CDH11: variants seen among roughly 807,000 people sequenced by gnomAD.
The protein encoded by CDH11 is cadherin-11.
CDH11 carries 11 observed loss-of-function variants against 67.8 expected under a neutral mutation model. The ratio of observed to expected loss-of-function variants is 0.16; its 90% CI spans 0.10 to 0.27. CDH11 has a LOEUF of 0.27. Ranked by LOEUF, CDH11 falls within the 10% of genes least tolerant of loss-of-function variation. CDH11 has a pLI of 1.00. For synonymous variants in CDH11, 419 were observed against 400.0 expected, an observed-to-expected ratio of 1.05 and a Z score of -0.57; for missense variants, 847 against 1,031.2, an observed-to-expected ratio of 0.82 and a Z score of 2.45.
chr16:65,115,725 AAAAAC>A (rs2075234312), intron 1 of CDH11, among the ~76,000 whole-genome samples: 1 of 134,332 alleles, frequency 7.4e-6, no homozygotes, highest in Non-Finnish European at 1.6e-5. Flanking sequence ...AAAAAAACAA[AAAAAC>A]AAAACCTCAG....
In CDH11 at chr16:64,947,341, TTAAA is replaced by T; in HGVS notation, c.*258_*261del. 1 of 1,247,744 alleles carries T rather than the reference TTAAA, an allele frequency of 8.0e-7. No homozygotes were observed. The highest frequency in any genetic ancestry group is 1.0e-6 in the Non-Finnish European group (1 of 992,244). The allele number at this position is 1,247,744 out of a possible 1,614,324, so 77.3% of individuals were successfully genotyped here. ...GTTCAGCGTTAGACTTCTCCTTCAC[TTAAA>T]TATTTTGTATGCCAAGTGTTTTTTT... On this transcript the variant is annotated 3_prime_UTR_variant, in exon 13 of 13. Coordinates refer to ENST00000268603, the MANE Select transcript of CDH11 (RefSeq NM_001797.4).
At chr16:65,022,636 A>G (rs1300923210) in intron 2 of CDH11, among the ~76,000 whole-genome samples, 1 of 152,244 alleles carries the variant, frequency 6.6e-6, no homozygotes, top group Non-Finnish European at 1.5e-5. Flanking sequence ...ACTTTAGGAC[A>G]TAACAAGAAA....
At chr16:64,975,684 TTG>T (rs2072146021) in intron 8 of CDH11, among the ~76,000 whole-genome samples, 1 of 152,140 alleles carries the variant, frequency 6.6e-6, no homozygotes, top group South Asian at 2.1e-4. Flanking sequence ...AGTTGAGTGC[TTG>T]TGTGTTTTTA....
intron 1 of CDH11, among the ~76,000 whole-genome samples, chr16:65,055,329 G>A (rs1267556513): frequency 6.6e-6 from 1 of 152,172 alleles, no homozygotes; most frequent in Non-Finnish European, 1.5e-5. Context: ...TGAGAACCAT[G>A]GGAGAGGGAC....
In CDH11 at chr16:65,100,813, C is replaced by A. The variant is rs193214176; in HGVS notation, c.-298+21067G>T. Among the ~76,000 whole-genome samples, 171 of 151,780 alleles carry A rather than the reference C, an allele frequency of 1.1e-3. 1 individual carries two copies. The highest frequency in any genetic ancestry group is 4.0e-3 in the African/African-American group (166 of 41,396). On this transcript the variant is annotated intron_variant, in intron 1 of 12. Coordinates refer to ENST00000268603, the MANE Select transcript of CDH11 (RefSeq NM_001797.4). Reference sequence around the variant, plus strand: ...ATTTGAGGAAACTGGAGTAAGGGGGCAGCCAGGGGCATCCCCCACCAGAAT... The same window carrying A: ...ATTTGAGGAAACTGGAGTAAGGGGGAAGCCAGGGGCATCCCCCACCAGAAT...
chr16:65,115,214 G>A (rs928883892), intron 1 of CDH11, among the ~76,000 whole-genome samples: 1 of 152,082 alleles, frequency 6.6e-6, no homozygotes, highest in African/African-American at 2.4e-5. Flanking sequence ...GTAGGAAGGA[G>A]GCAGGCAGTG....
intron 2 of CDH11, among the ~76,000 whole-genome samples, chr16:65,008,698 T>C (rs1441361493): frequency 1.3e-5 from 2 of 152,204 alleles, no homozygotes; most frequent in Non-Finnish European, 2.9e-5. Flanking sequence ...CTAGAATCCA[T>C]GTTCTTAACC....
At chr16:65,043,039 G>A (rs2073893109) in intron 2 of CDH11, among the ~76,000 whole-genome samples, 1 of 152,158 alleles carries the variant, frequency 6.6e-6, no homozygotes, top group African/African-American at 2.4e-5. Flanking sequence ...ATGCTGAGGT[G>A]ACCAGAATGC....
In CDH11 at chr16:65,115,719, AAAC is replaced by A. The variant is rs1231471987; in HGVS notation, c.-298+6158_-298+6160del. 5.1e-4 allele frequency among the ~76,000 whole-genome samples: 71 copies of A among 140,140 alleles called. 4 individuals carry two copies. The highest frequency in any genetic ancestry group is 7.2e-4 in the Admixed American group (10 of 13,826). The allele number at this position is 140,140 out of a possible 152,430, so 91.9% of individuals were successfully genotyped here. ...TATAAGGCTACACCAAAAAAAAAAA[AAAC>A]AAAAAAACAAAACCTCAGTAATCAA... On this transcript the variant is annotated intron_variant, in intron 1 of 12. Transcript: ENST00000268603.
At chr16:64,996,363 G>A (rs369475917) in intron 4 of CDH11, among the ~76,000 whole-genome samples, 13 of 152,092 alleles carry the variant, frequency 8.5e-5, no homozygotes, top group South Asian at 2.1e-4. Context: ...GGTGGCAGGC[G>A]CCTGTAATCC....
rs3046001 is a variant in CDH11, at chr16:64,945,301, T to TAAAAA, written c.*2297_*2301dup. On this transcript the variant is annotated 3_prime_UTR_variant, in exon 13 of 13. Coordinates refer to ENST00000268603, the MANE Select transcript of CDH11 (RefSeq NM_001797.4). ...AGAGGCTTAACGAAAAAATAAAAGG[T>TAAAAA]AAAAAAAAAAAAAAAAAAGAAAAAG... The TAAAAA allele has an allele frequency of 6.4e-5, 25 of 388,252 alleles. No individual in the cohort carries two copies. Among genetic ancestry groups the TAAAAA allele is most frequent in the Admixed American group, 2.3e-4 (3 of 13,050 alleles). 24.1% of individuals were successfully genotyped at this position (388,252 alleles called of 1,614,324 possible).
At chr16:64,999,783 C>T (rs1006608970) in intron 3 of CDH11, among the ~76,000 whole-genome samples, 1 of 152,152 alleles carries the variant, frequency 6.6e-6, no homozygotes, top group Non-Finnish European at 1.5e-5. Context: ...GATCTGCCTG[C>T]CTTGGCCTCC....
chr16:65,036,426 G>A (rs554262188), intron 2 of CDH11, among the ~76,000 whole-genome samples: 1 of 152,204 alleles, frequency 6.6e-6, no homozygotes, highest in Non-Finnish European at 1.5e-5. Flanking sequence ...TGCCTGCCAT[G>A]TTCCTCTTCC....
In CDH11 at chr16:65,084,277, C is replaced by G. The variant is rs550732837; in HGVS notation, c.-297-30349G>C. ...GCCACGGTGGGAGGATTGCTTGAGC[C>G]CAGGAGTTGGAGACCTGCCTGGGCA... On this transcript the variant is annotated intron_variant, in intron 1 of 12. Coordinates refer to ENST00000268603, the MANE Select transcript of CDH11 (RefSeq NM_001797.4). 9.9e-5 allele frequency among the ~76,000 whole-genome samples: 15 copies of G among 151,894 alleles called. No homozygotes were observed. In the South Asian group the frequency reaches 3.1e-3, roughly 32 times the overall value.
Position 64,988,184 on chromosome 16 carries a change from T to C in CDH11, c.972A>G (p.Thr324=). 2 of 1,611,554 alleles carry C rather than the reference T, an allele frequency of 1.2e-6. No individual in the cohort carries two copies. The highest frequency in any genetic ancestry group is 8.5e-7 in the Non-Finnish European group (1 of 1,178,822). ...TTTTCAGCTTTATCACCCCCTCCTG[T>C]GTTTCATAGTCCGTTGTGATTTCAA... ...ESFEITTDYE[T]QEGVIKLKKP... The change falls in exon 7 of 13, where the codon ACA becomes ACG. Residue 324 remains threonine (T), a synonymous_variant. Transcript: ENST00000268603.
Position 65,119,952 on chromosome 16 carries a change from G to A in CDH11, c.-298+1928C>T, listed in dbSNP as rs78178310. On this transcript the variant is annotated intron_variant, in intron 1 of 12. Transcript: ENST00000268603. ...TTTTCACAGAGGTTCGAATTCCAGA[G>A]CCCACTGGCCAACTCTAAAACTTGG... Among the ~76,000 whole-genome samples the A allele has an allele frequency of 8.3e-3, 1,256 of 152,234 alleles. 20 individuals carry two copies. The highest frequency in any genetic ancestry group is 7.9e-3 in the Non-Finnish European group (535 of 68,016).
At chr16:64,958,192 T>C (rs1346949349) in intron 11 of CDH11, among the ~76,000 whole-genome samples, 1 of 152,214 alleles carries the variant, frequency 6.6e-6, no homozygotes, top group East Asian at 1.9e-4. Flanking sequence ...TTTAGCACTG[T>C]TGTGTGTGTT....
chr16:64,992,764 G>A (rs1049075348), intron 5 of CDH11, 151 bp downstream of exon 5: 3 of 588,282 alleles, frequency 5.1e-6, no homozygotes, highest in Non-Finnish European at 8.3e-6. Context: ...ATAGGCACAG[G>A]CCAAGTATCT....
intron 8 of CDH11, among the ~76,000 whole-genome samples, chr16:64,974,322 T>C (rs770427004): frequency 6.6e-6 from 1 of 152,202 alleles, no homozygotes; most frequent in Non-Finnish European, 1.5e-5. Flanking sequence ...GTCTAAGCTA[T>C]GATTTCCCAA....
Sources: gnomAD v4.1 joint callset for allele counts (sites outside exome capture counted in the v4.1 genomes callset) on GRCh38, gnomAD v4.1.1 for gene constraint, MANE v1.5 for transcripts, NCBI Gene and HGNC (gene_info 2026-07-23, HGNC 2026-07-21) for gene names.